ZNF317: variants seen among roughly 807,000 people sequenced by gnomAD.
ZNF317 encodes zinc finger protein 317.
A neutral mutation model predicts 23.4 loss-of-function variants in ZNF317; 17 were observed. The observed-to-expected ratio is 0.73, with a 90% CI of 0.50 to 1.09. The LOEUF (loss-of-function observed/expected upper bound fraction) is 1.09. ZNF317 is among the 50% of genes least tolerant of loss of function. The pLI is 0.00. For synonymous variants in ZNF317, 317 were observed against 314.9 expected (o/e 1.01, Z -0.07); for missense variants, 679 against 796.7 (o/e 0.85, Z 1.78).
chr19:9,160,027 G>T lies in ZNF317; in HGVS notation c.469-87G>T. ...TAGTCATAGTAATGTGCTTCTATCT[G>T]TTCATAGCAGTGTATGTGGGGATGA... On this transcript the variant is annotated intron_variant, in intron 6 of 6. Transcript: ENST00000247956. This position sits in a 1 kb window ranked among gnomAD's most constrained non-coding sequence, Gnocchi z 6.8. 1 of 1,563,882 alleles carries T rather than the reference G, an allele frequency of 6.4e-7. No homozygotes were observed. The highest frequency in any genetic ancestry group is 1.7e-5 in the Admixed American group (1 of 58,238).
Position 9,156,624 on chromosome 19 carries a change from A to G in ZNF317, c.38A>G (p.Gln13Arg), listed in dbSNP as rs753398242. The change falls in exon 3 of 7, where the codon CAG becomes CGG. Residue 13 changes from glutamine to arginine, a missense_variant. By Grantham distance (43) the Gln-to-Arg change is conservative. Transcript: ENST00000247956. Reference protein sequence around the residue: ...ALSPTFATSTQDSTCLQDSEF... With the variant: ...ALSPTFATSTRDSTCLQDSEF... Reference sequence around the variant, plus strand: ...TTTTCTCCTCCAGCCACGTCCACCCAGGATTCCACCTGTCTCCAGGACTCA... The same window carrying G: ...TTTTCTCCTCCAGCCACGTCCACCCGGGATTCCACCTGTCTCCAGGACTCA... The G allele has an allele frequency of 1.9e-6, 3 of 1,614,052 alleles. No homozygotes were observed. The highest frequency in any genetic ancestry group is 1.1e-5 in the South Asian group (1 of 91,074).
chr19:9,147,580 G>A (rs968939910), intron 1 of ZNF317, among the ~76,000 whole-genome samples: 5 of 151,524 alleles, frequency 3.3e-5, no homozygotes, highest in South Asian at 4.2e-4. Context: ...CTCATGATCC[G>A]CCTGCCTCAG....
At position 9,160,120 on chromosome 19, in the gene ZNF317, G is replaced by A; in HGVS notation, c.475G>A (p.Ala159Thr). The A allele has an allele frequency of 6.2e-7, 1 of 1,613,870 alleles. No individual in the cohort carries two copies. Among genetic ancestry groups the A allele is most frequent in the Non-Finnish European group, 8.5e-7 (1 of 1,179,760 alleles). The change falls in exon 7 of 7, where the codon GCC becomes ACC. Residue 159 changes from alanine to threonine, a missense_variant. Transcript: ENST00000247956. This position sits in a 1 kb window ranked among gnomAD's most constrained non-coding sequence, Gnocchi z 6.8. ...ETPSGVTMERAGLGEKSTEYA... is the reference protein window; with the variant it reads ...ETPSGVTMERTGLGEKSTEYA... Reference sequence around the variant, plus strand: ...CTTACGTCTTAACCAACAGGAAAGAGCCGGTCTTGGAGAGAAGTCCACTGA... The same window carrying A: ...CTTACGTCTTAACCAACAGGAAAGAACCGGTCTTGGAGAGAAGTCCACTGA...
At chr19:9,150,400 A>G (rs1197389436) in intron 1 of ZNF317, among the ~76,000 whole-genome samples, 1 of 152,210 alleles carries the variant, frequency 6.6e-6, no homozygotes, top group Non-Finnish European at 1.5e-5. Context: ...AGTTTTGATG[A>G]ACTGACTCTT....
At chr19:9,157,531 G>C (rs2050797347) in intron 4 of ZNF317, 137 bp downstream of exon 4, 13 of 1,140,242 alleles carry the variant, frequency 1.1e-5, no homozygotes, top group Non-Finnish European at 1.5e-5. Flanking sequence ...ATGCTTAATG[G>C]GGCCTCTCCT....
chr19:9,147,367 T>G (rs1426938599), intron 1 of ZNF317, among the ~76,000 whole-genome samples: 4 of 130,556 alleles, frequency 3.1e-5, no homozygotes, highest in Non-Finnish European at 1.5e-5. Flanking sequence ...TGAGATGGAG[T>G]CTCGCTCTGT....
At chr19:9,151,453 A>G (rs1275751693) in intron 1 of ZNF317, among the ~76,000 whole-genome samples, 2 of 152,162 alleles carry the variant, frequency 1.3e-5, no homozygotes, top group Non-Finnish European at 2.9e-5. Flanking sequence ...AAAAGTGGTA[A>G]TATTGATTAT....
intron 5 of ZNF317, 55 bp downstream of exon 5, chr19:9,158,130 T>G (rs1242579364): frequency 1.3e-6 from 2 of 1,512,196 alleles, no homozygotes; most frequent in African/African-American, 2.8e-5. Flanking sequence ...ATTCAGTGAC[T>G]GGGGTGGAGG....
At chr19:9,158,314 G>A (rs1176559964) in intron 5 of ZNF317, among the ~76,000 whole-genome samples, 6 of 145,064 alleles carry the variant, frequency 4.1e-5, no homozygotes, top group South Asian at 4.3e-4. Context: ...CTGATCATCC[G>A]CTTTCTGTCA....
chr19:9,162,730 A>G lies in ZNF317; in HGVS notation c.*1297A>G, dbSNP rs2050873419. 1 of 152,112 alleles carries G rather than the reference A, an allele frequency of 6.6e-6. No homozygotes were observed. The allele number at this position is 152,112 out of a possible 1,614,324, so 9.4% of individuals were successfully genotyped here. A position where few individuals can be genotyped will look rare whatever the true frequency, so the allele number is the denominator to read the frequency against. On this transcript the variant is annotated 3_prime_UTR_variant, in exon 7 of 7. Transcript: ENST00000247956. ...TCATCAAGAAAGGTTTGTTTATAGT[A>G]TTTTTACTATAGCTTCATCCTTGAT... is the stretch of plus-strand genomic sequence containing the variant.
chr19:9,159,849 A>G (rs1159650908), intron 6 of ZNF317, among the ~76,000 whole-genome samples: 1 of 152,246 alleles, frequency 6.6e-6, no homozygotes, highest in Non-Finnish European at 1.5e-5. Flanking sequence ...GCCCAGCCTC[A>G]ATTCAGTTTT....
chr19:9,148,938 A>G (rs1307690433), intron 1 of ZNF317, among the ~76,000 whole-genome samples: 3 of 152,210 alleles, frequency 2.0e-5, no homozygotes, highest in Non-Finnish European at 4.4e-5. Context: ...ATAGTTGTCC[A>G]GCTTCCTGCT....
intron 1 of ZNF317, among the ~76,000 whole-genome samples, chr19:9,149,999 T>C (rs1334660191): frequency 1.3e-5 from 2 of 152,130 alleles, no homozygotes; most frequent in African/African-American, 4.8e-5. Context: ...CAGGTGTGGT[T>C]TATGGAAAAG....
intron 1 of ZNF317, among the ~76,000 whole-genome samples, chr19:9,150,249 C>G (rs1228125155): frequency 6.6e-6 from 1 of 152,164 alleles, no homozygotes; most frequent in African/African-American, 2.4e-5. Context: ...ATGAACAATT[C>G]TGTTAAGTAA....
intron 5 of ZNF317, 143 bp from the exon 6 acceptor site, chr19:9,158,683 C>T (rs1186373374): frequency 1.6e-6 from 1 of 639,594 alleles, no homozygotes; most frequent in East Asian, 2.8e-5. Context: ...AAATATCTCA[C>T]ATGACCAGAT....
At chr19:9,151,007 C>T (rs982089584) in intron 1 of ZNF317, among the ~76,000 whole-genome samples, 19 of 152,176 alleles carry the variant, frequency 1.2e-4, no homozygotes, top group Non-Finnish European at 2.2e-4. Context: ...GAGAATGTCT[C>T]ATACCTTGTA....
intron 3 of ZNF317, 72 bp downstream of exon 3, chr19:9,156,820 A>G: frequency 6.5e-6 from 10 of 1,543,960 alleles, no homozygotes; most frequent in Non-Finnish European, 8.8e-6. Flanking sequence ...GCATGCTGGA[A>G]TTCTTGCAGA....
At chr19:9,153,151 TGTTTG>T (rs2050750924) in intron 1 of ZNF317, among the ~76,000 whole-genome samples, 1 of 80,306 alleles carries the variant, frequency 1.2e-5, no homozygotes, top group African/African-American at 5.1e-5. Flanking sequence ...TAGTTGTTTT[TGTTTG>T]TTTGTTTGTT....
intron 1 of ZNF317, among the ~76,000 whole-genome samples, chr19:9,150,367 TCA>T (rs2050725789): frequency 6.6e-6 from 1 of 152,248 alleles, no homozygotes; most frequent in South Asian, 2.1e-4. Context: ...GTTAAAGTCT[TCA>T]GTTTCCAGAT....
Sources: gnomAD v4.1 joint callset for allele counts (sites outside exome capture counted in the v4.1 genomes callset) on GRCh38, gnomAD v4.1.1 for gene constraint, Gnocchi (gnomAD v3.1) non-coding constraint, MANE v1.5 for transcripts, NCBI Gene and HGNC (gene_info 2026-07-23, HGNC 2026-07-21) for gene names.